Variants in DTX1 observed in about 807,000 individuals in gnomAD.
DTX1 encodes deltex E3 ubiquitin ligase 1, also known as E3 ubiquitin-protein ligase DTX1.
DTX1 carries 26 observed loss-of-function variants against 57.8 expected under a neutral mutation model. The observed-to-expected ratio is 0.45, with a 90% confidence interval of 0.33 to 0.62. The LOEUF (loss-of-function observed/expected upper bound fraction) is 0.62, where lower values mean the gene tolerates loss of function less well. DTX1 is among the 20% of genes least tolerant of loss of function. The probability of loss-of-function intolerance (pLI) is 0.02; values close to 1 mark genes in which losing one functional copy is unlikely to be tolerated. For synonymous variants in DTX1, 398 were observed against 394.1 expected, an observed-to-expected ratio of 1.01 and a Z score of -0.12; for missense variants, 704 against 895.3, an observed-to-expected ratio of 0.79 and a Z score of 2.73.
Position 113,096,808 on chromosome 12 carries a change from A to G in DTX1, c.1732A>G (p.Asn578Asp), listed in dbSNP as rs200751640. 8.1e-6 allele frequency: 13 copies of G among 1,613,880 alleles called. No individual in the cohort carries two copies. Among genetic ancestry groups the G allele is most frequent in the Non-Finnish European group, 1.1e-5 (13 of 1,180,000 alleles). Residue 578 changes from asparagine to aspartate, a missense_variant, in exon 10 of 10, where the codon AAC becomes GAC. Around this residue, in one of 3 missense-constraint regions of DTX1, gnomAD observed 168 missense variants for 255.6 expected, o/e 0.66. Transcript: ENST00000548759. ...GGGCGAGTCGGACACCGTGGTGTGG[A>G]ACGAGATCCACCACAAGACCGAGTT... ...TTGESDTVVWNEIHHKTEFGS... is the reference protein window; with the variant it reads ...TTGESDTVVWDEIHHKTEFGS...
At chr12:113,096,629 G>A in intron 9 of DTX1, 86 bp from the exon 10 acceptor site, 2 of 1,304,978 alleles carry the variant, frequency 1.5e-6, no homozygotes, top group Non-Finnish European at 2.1e-6. Context: ...GCCATGATGT[G>A]GCAGGGGAGG....
At chr12:113,062,816 G>A (rs572766583) in intron 2 of DTX1, among the ~76,000 whole-genome samples, 12 of 152,372 alleles carry the variant, frequency 7.9e-5, no homozygotes, top group African/African-American at 1.4e-4. Flanking sequence ...CAGGGGCTGC[G>A]GTTTGTTCAG....
chr12:113,072,306 C>T (rs2044742630), intron 2 of DTX1, among the ~76,000 whole-genome samples: 1 of 152,156 alleles, frequency 6.6e-6, no homozygotes, highest in South Asian at 2.1e-4. Flanking sequence ...ATGAGGATGA[C>T]TAAGAACAAA....
intron 3 of DTX1, among the ~76,000 whole-genome samples, chr12:113,080,318 A>C (rs996621310): frequency 2.6e-5 from 4 of 152,196 alleles, no homozygotes; most frequent in African/African-American, 9.6e-5. Context: ...AGTATCAGTT[A>C]TGGCCCCTTA....
chr12:113,089,932 A>T (rs1950234126), intron 3 of DTX1: 1 of 152,264 alleles, frequency 6.6e-6, no homozygotes, highest in Non-Finnish European at 1.5e-5. Flanking sequence ...ACTGGGCCAG[A>T]CTGGGCATTA....
intron 2 of DTX1, among the ~76,000 whole-genome samples, chr12:113,059,382 C>T (rs2136421519): frequency 6.6e-6 from 1 of 151,908 alleles, no homozygotes; most frequent in East Asian, 1.9e-4. Flanking sequence ...GCTGGTAGCC[C>T]TGTGTGTGGC....
Position 113,097,562 on chromosome 12 carries a change from G to C in DTX1, c.*623G>C, listed in dbSNP as rs1377806617. The C allele has an allele frequency of 6.6e-6, 1 of 152,370 alleles. No individual in the cohort carries two copies. The highest frequency in any genetic ancestry group is 1.5e-5 in the Non-Finnish European group (1 of 68,194). The allele number at this position is 152,370 out of a possible 1,614,324, so 9.4% of individuals were successfully genotyped here. ...CTACAAAAGAATGGCCAGCACGAGC[G>C]GGGACTAGAGGGTCCTGATTTTGTG... On this transcript the variant is annotated 3_prime_UTR_variant, in exon 10 of 10. Transcript: ENST00000548759.
intron 2 of DTX1, among the ~76,000 whole-genome samples, chr12:113,070,504 C>A (rs73205279): frequency 6.6e-6 from 1 of 152,200 alleles, no homozygotes; most frequent in East Asian, 1.9e-4. Context: ...AGAGAGGAAC[C>A]GTTTAGAGGC....
intron 3 of DTX1, among the ~76,000 whole-genome samples, chr12:113,089,317 CAGG>C (rs1276872769): frequency 6.6e-6 from 1 of 152,064 alleles, no homozygotes; most frequent in Non-Finnish European, 1.5e-5. Flanking sequence ...GTGGGAGCTG[CAGG>C]AGGAGTGAGA....
Position 113,077,609 on chromosome 12 carries a change from T to A in DTX1, c.445T>A (p.Tyr149Asn). The change falls in exon 3 of 10, where the codon TAC becomes AAC. Residue 149 changes from tyrosine to asparagine, a missense_variant. Coordinates refer to ENST00000548759, the MANE Select transcript of DTX1 (RefSeq NM_004416.3). This position sits in a 1 kb window ranked among gnomAD's most constrained non-coding sequence, Gnocchi z 7.8. ...WLDLSSLGFC[Y>N]LIYFNSMSQM... is the part of the protein sequence containing the mutation. Reference sequence around the variant, plus strand: ...CGACCTCTCATCGCTAGGCTTCTGCTACCTCATCTACTTCAACAGCATGTC... The same window carrying A: ...CGACCTCTCATCGCTAGGCTTCTGCAACCTCATCTACTTCAACAGCATGTC... 1 of 1,613,156 alleles carries A rather than the reference T, an allele frequency of 6.2e-7. No homozygotes were observed.
chr12:113,076,458 GAAAA>G (rs56382675), intron 2 of DTX1, among the ~76,000 whole-genome samples: 1 of 126,510 alleles, frequency 7.9e-6, no homozygotes, highest in Non-Finnish European at 1.7e-5. Flanking sequence ...ACTCTGCCTG[GAAAA>G]AAAAAAAAAA....
intron 1 of DTX1, among the ~76,000 whole-genome samples, chr12:113,057,200 G>A (rs1052883168): frequency 2.6e-5 from 4 of 152,028 alleles, no homozygotes; most frequent in African/African-American, 9.7e-5. Context: ...GAGGGCCCCG[G>A]GGGAAGGGAA....
chr12:113,086,402 C>T (rs559634597), intron 3 of DTX1, among the ~76,000 whole-genome samples: 15 of 152,162 alleles, frequency 9.9e-5, no homozygotes, highest in South Asian at 4.2e-4. Flanking sequence ...TCAGGGCAAT[C>T]GGTGGGAAAG....
intron 3 of DTX1, among the ~76,000 whole-genome samples, chr12:113,084,894 C>T (rs2044844419): frequency 6.6e-6 from 1 of 152,174 alleles, no homozygotes; most frequent in African/African-American, 2.4e-5. Flanking sequence ...GGATCATGGT[C>T]CCAGAAGCCC....
intron 3 of DTX1, among the ~76,000 whole-genome samples, chr12:113,082,399 A>G (rs891270479): frequency 1.3e-4 from 20 of 152,146 alleles, no homozygotes; most frequent in South Asian, 4.1e-4. Flanking sequence ...GAAGGAAGAT[A>G]GGGGTGGCAG....
intron 9 of DTX1, among the ~76,000 whole-genome samples, chr12:113,096,277 G>C (rs534353139): frequency 2.4e-4 from 37 of 151,124 alleles, no homozygotes; most frequent in African/African-American, 9.0e-4. Flanking sequence ...GCCGAGGTGG[G>C]AGGATCACTT....
chr12:113,095,573 C>A, intron 9 of DTX1, 159 bp downstream of exon 9: 1 of 859,326 alleles, frequency 1.2e-6, no homozygotes, highest in South Asian at 1.7e-5. Context: ...CTCCTTCACA[C>A]ATCTTATCTC....
intron 3 of DTX1, among the ~76,000 whole-genome samples, chr12:113,081,682 G>A (rs2044818545): frequency 6.6e-6 from 1 of 152,138 alleles, no homozygotes; most frequent in South Asian, 2.1e-4. Flanking sequence ...AACTTCAAGG[G>A]GGCTCGAAGG....
At chr12:113,086,771 T>A (rs1260318862) in intron 3 of DTX1, among the ~76,000 whole-genome samples, 1 of 152,140 alleles carries the variant, frequency 6.6e-6, no homozygotes, top group Admixed American at 6.6e-5. Context: ...AATGTTAAAG[T>A]ACTGACAGGT....
Sources: gnomAD v4.1 joint callset for allele counts (sites outside exome capture counted in the v4.1 genomes callset) on GRCh38, gnomAD v4.1.1 for gene constraint, gnomAD v4.1.1 regional missense constraint, Gnocchi (gnomAD v3.1) non-coding constraint, MANE v1.5 for transcripts, NCBI Gene and HGNC (gene_info 2026-07-23, HGNC 2026-07-21) for gene names.